ULK4: variants seen among roughly 807,000 people sequenced by gnomAD.
ULK4 encodes the protein inactive serine/threonine-protein kinase ULK4.
A neutral mutation model predicts 160.6 loss-of-function variants in ULK4; 133 were observed. The observed-to-expected ratio is 0.83, with a 90% CI of 0.72 to 0.96. The LOEUF is 0.96. Among genes scored for constraint, ULK4 ranks in the 40% least tolerant of loss-of-function variants. The pLI is 0.00. For synonymous variants in ULK4, 534 were observed against 539.8 expected, an observed-to-expected ratio of 0.99 and a Z score of 0.15; for missense variants, 1,580 against 1,499.5, an observed-to-expected ratio of 1.05 and a Z score of -0.89.
chr3:41,858,164 T>G (rs1052086443), intron 17 of ULK4, among the ~76,000 whole-genome samples: 6 of 144,090 alleles, frequency 4.2e-5, no homozygotes, highest in African/African-American at 1.6e-4. Flanking sequence ...TTTTTTTTTT[T>G]TTTTTTGGCA....
chr3:41,767,838 C>T (rs114087282), intron 21 of ULK4, among the ~76,000 whole-genome samples: 22 of 151,984 alleles, frequency 1.4e-4, no homozygotes, highest in Non-Finnish European at 2.5e-4. Flanking sequence ...ACAGCTGTTA[C>T]GTCTCAAGAA....
At chr3:41,433,807 C>T (rs534684084) in intron 34 of ULK4, among the ~76,000 whole-genome samples, 4 of 152,332 alleles carry the variant, frequency 2.6e-5, no homozygotes, top group Admixed American at 2.6e-4. Context: ...GCAACCTCCG[C>T]CTTCCGGGTT....
rs533385059 is a variant in ULK4, at chr3:41,592,384, G to A, written c.3120+23285C>T. Among the ~76,000 whole-genome samples, 7 of 152,238 alleles carry A rather than the reference G, an allele frequency of 4.6e-5. No homozygotes were observed. In the East Asian group the frequency reaches 1.2e-3, roughly 25 times the overall value. On this transcript the variant is annotated intron_variant, in intron 31 of 36. Transcript: ENST00000301831. ...CCTCACAGGGGTCCTCGGGCGGGCT[G>A]CCTAAGGTACTGGGAAAAGGCCACA...
intron 35 of ULK4, among the ~76,000 whole-genome samples, chr3:41,253,366 A>G (rs1217138242): frequency 1.3e-5 from 2 of 152,076 alleles, no homozygotes; most frequent in South Asian, 2.1e-4. Flanking sequence ...CTGGAACATA[A>G]TAAGATGGGG....
intron 21 of ULK4, among the ~76,000 whole-genome samples, chr3:41,762,663 T>TTC (rs1347975075): frequency 7.2e-6 from 1 of 139,166 alleles, no homozygotes; most frequent in East Asian, 2.1e-4. Context: ...CACTTTTTTT[T>TTC]TTTTTTTTTT....
chr3:41,596,528 G>C (rs990731158), intron 31 of ULK4, among the ~76,000 whole-genome samples: 2 of 152,172 alleles, frequency 1.3e-5, no homozygotes, highest in African/African-American at 4.8e-5. Context: ...GAGCTGGGAA[G>C]ATAATGATAA....
At chr3:41,414,227 C>A (rs912448254) in intron 34 of ULK4, among the ~76,000 whole-genome samples, 3 of 151,992 alleles carry the variant, frequency 2.0e-5, no homozygotes, top group South Asian at 2.1e-4. Context: ...AACAAACAAA[C>A]AAAAAACTAT....
chr3:41,385,272 G>GA (rs894607621), intron 35 of ULK4, among the ~76,000 whole-genome samples: 2 of 151,946 alleles, frequency 1.3e-5, no homozygotes, highest in Non-Finnish European at 2.9e-5. Context: ...TGGATTTTGA[G>GA]ATTTTTTTTA....
chr3:41,495,271 C>T (rs2084945026), intron 32 of ULK4, among the ~76,000 whole-genome samples: 1 of 151,982 alleles, frequency 6.6e-6, no homozygotes, highest in Non-Finnish European at 1.5e-5. Flanking sequence ...AGAAATAATG[C>T]CGCATATCTA....
chr3:41,330,420 G>A (rs1181288896), intron 35 of ULK4, among the ~76,000 whole-genome samples: 1 of 152,108 alleles, frequency 6.6e-6, no homozygotes, highest in Non-Finnish European at 1.5e-5. Flanking sequence ...TTTCTTACAG[G>A]CAAAACTAAA....
chr3:41,493,835 T>A (rs1202223997), intron 32 of ULK4, among the ~76,000 whole-genome samples: 3 of 142,834 alleles, frequency 2.1e-5, no homozygotes, highest in African/African-American at 7.7e-5. Flanking sequence ...CTAGAAGAAA[T>A]GGATAAATTC....
intron 35 of ULK4, among the ~76,000 whole-genome samples, chr3:41,263,502 C>G (rs2078981258): frequency 6.6e-6 from 1 of 152,104 alleles, no homozygotes; most frequent in Non-Finnish European, 1.5e-5. Flanking sequence ...GTTCCTCACT[C>G]GACAAGGTAA....
At chr3:41,331,392 G>T (rs1176255687) in intron 35 of ULK4, among the ~76,000 whole-genome samples, 1 of 152,184 alleles carries the variant, frequency 6.6e-6, no homozygotes, top group African/African-American at 2.4e-5. Context: ...GTGTTCTTGG[G>T]ATAATAATGT....
At chr3:41,251,742 C>T (rs2078746879) in intron 35 of ULK4, among the ~76,000 whole-genome samples, 2 of 152,330 alleles carry the variant, frequency 1.3e-5, no homozygotes. Flanking sequence ...CAAGAGGAGC[C>T]TGCAACCAGA....
At chr3:41,561,302 C>T (rs1416023384) in intron 32 of ULK4, among the ~76,000 whole-genome samples, 3 of 152,150 alleles carry the variant, frequency 2.0e-5, no homozygotes, top group Non-Finnish European at 4.4e-5. Context: ...CAATGTTCAT[C>T]AAGGATATTG....
intron 31 of ULK4, among the ~76,000 whole-genome samples, chr3:41,582,511 G>A (rs568829738): frequency 6.6e-5 from 10 of 152,292 alleles, no homozygotes; most frequent in South Asian, 2.1e-4. Flanking sequence ...GCAGAGGTAC[G>A]TCAGCCTCAT....
intron 31 of ULK4, among the ~76,000 whole-genome samples, chr3:41,577,361 A>G (rs553766293): frequency 4.4e-4 from 67 of 152,330 alleles, no homozygotes; most frequent in African/African-American, 1.5e-3. Flanking sequence ...TGAATACATA[A>G]GAGGTGTATA....
intron 35 of ULK4, among the ~76,000 whole-genome samples, chr3:41,323,323 TG>T (rs1289519930): frequency 2.0e-5 from 3 of 148,680 alleles, no homozygotes; most frequent in Admixed American, 6.8e-5. Flanking sequence ...AGAGTGGGGA[TG>T]GGGGAATGGG....
Position 41,857,205 on chromosome 3 carries a change from A to G in ULK4, c.1657-21234T>C, listed in dbSNP as rs1235508636. Among the ~76,000 whole-genome samples the G allele has an allele frequency of 2.6e-5, 4 of 152,152 alleles. No homozygotes were observed. In the East Asian group the frequency reaches 7.7e-4, roughly 29 times the overall value. ...ACAAACCTGGTTTCTGTAGAGCCCT[A>G]TTCTCTTTCCCTAGAGGGCCAGCTT... On this transcript the variant is annotated intron_variant, in intron 17 of 36. Transcript: ENST00000301831.
Sources: gnomAD v4.1 joint callset for allele counts (sites outside exome capture counted in the v4.1 genomes callset) on GRCh38, gnomAD v4.1.1 for gene constraint, MANE v1.5 for transcripts, NCBI Gene and HGNC (gene_info 2026-07-23, HGNC 2026-07-21) for gene names.